The following NAV3 variants were observed in gnomAD, a reference collection of about 807,000 sequenced individuals.
The protein encoded by NAV3 is neuron navigator 3.
In NAV3, 87 loss-of-function variants were observed where a neutral mutation model predicts 244.7. That is an observed-to-expected ratio of 0.36 (90% CI 0.30 to 0.42). The LOEUF (loss-of-function observed/expected upper bound fraction) is 0.42. NAV3 is among the 20% of genes least tolerant of loss of function. The pLI, the probability that NAV3 is intolerant of heterozygous loss-of-function variation, is 1.00. For missense variants in NAV3, 2,663 were observed against 2,893.3 expected (o/e 0.92, Z 1.83); for synonymous variants, 1,126 against 1,042.2 (o/e 1.08, Z -1.55).
chr12:77,576,697 T>C (rs1869101117), intron 2 of NAV3, among the ~76,000 whole-genome samples: 1 of 152,072 alleles, frequency 6.6e-6, no homozygotes, highest in Non-Finnish European at 1.5e-5. Context: ...CTTAAGATTG[T>C]TTATGTTGGA....
In NAV3 at chr12:77,585,363, G is replaced by A. The variant is rs77235610; in HGVS notation, c.72+13097G>A. Among the ~76,000 whole-genome samples, 694 of 152,196 alleles carry A rather than the reference G, an allele frequency of 4.6e-3. 4 individuals carry two copies. The highest frequency in any genetic ancestry group is 0.016 in the African/African-American group (680 of 41,516). On this transcript the variant is annotated intron_variant, in intron 2 of 8. Coordinates refer to the NAV3 transcript ENST00000550042. ...TTTCTTTTCTACTCTCAAACACAGC[G>A]TGTTTGATTCTATCTCTTTTACCTG...
intron 5 of NAV3, among the ~76,000 whole-genome samples, chr12:77,983,259 AG>A (rs1273543819): frequency 1.4e-4 from 22 of 152,318 alleles, no homozygotes; most frequent in Admixed American, 1.4e-3. Flanking sequence ...GCAGGGGAAT[AG>A]GGATGGACCC....
chr12:77,701,418 A>G (rs1180515534), intron 2 of NAV3, among the ~76,000 whole-genome samples: 1 of 151,622 alleles, frequency 6.6e-6, no homozygotes, highest in African/African-American at 2.4e-5. Flanking sequence ...TGTGATATGT[A>G]TTTTCTCTTT....
rs1201196283 is a variant in NAV3 at position 77,971,091 on chromosome 12, A to C, written c.671+2389A>C. Among the ~76,000 whole-genome samples, 7 of 152,082 alleles carry C rather than the reference A, an allele frequency of 4.6e-5. No individual in the cohort carries two copies. In the East Asian group the frequency reaches 5.8e-4, roughly 13 times the overall value. On this transcript the variant is annotated intron_variant, in intron 5 of 39. Coordinates refer to ENST00000397909, the MANE Select transcript of NAV3 (RefSeq NM_001024383.2). ...TTTATTTTCCTATTCTTCTTGCTGG[A>C]TATACATGGCTGTTGTGAAACTATG...
chr12:78,051,918 A>G (rs549522143), intron 11 of NAV3, among the ~76,000 whole-genome samples: 1 of 152,308 alleles, frequency 6.6e-6, no homozygotes, highest in East Asian at 1.9e-4. Context: ...TATGAGGTAG[A>G]TGTTTTTATA....
chr12:77,766,849 G>T (rs2135860069), intron 2 of NAV3, among the ~76,000 whole-genome samples: 1 of 142,494 alleles, frequency 7.0e-6, no homozygotes, highest in South Asian at 2.3e-4. Flanking sequence ...CACCTCCTGG[G>T]TTCCAGCAAT....
chr12:77,595,589 A>C (rs1397217653), intron 2 of NAV3, among the ~76,000 whole-genome samples: 1 of 152,188 alleles, frequency 6.6e-6, no homozygotes, highest in Non-Finnish European at 1.5e-5. Context: ...AATTAGCTTG[A>C]CTGTAGTAAT....
At chr12:77,580,208 G>T (rs1349975770) in intron 2 of NAV3, among the ~76,000 whole-genome samples, 2 of 146,548 alleles carry the variant, frequency 1.4e-5, no homozygotes, top group Non-Finnish European at 3.0e-5. Context: ...TTTATTTGGG[G>T]GTAGGGTGGG....
intron 12 of NAV3, among the ~76,000 whole-genome samples, chr12:78,093,839 T>C (rs905036024): frequency 6.6e-6 from 1 of 152,218 alleles, no homozygotes; most frequent in Non-Finnish European, 1.5e-5. Flanking sequence ...TTTACTTTTT[T>C]TTCTTTTTTA....
intron 5 of NAV3, among the ~76,000 whole-genome samples, chr12:77,982,294 A>C (rs1175625331): frequency 2.4e-5 from 3 of 127,414 alleles, no homozygotes; most frequent in African/African-American, 7.7e-5. Context: ...TGGTGATTTG[A>C]AAGTTCATAT....
At chr12:77,742,399 G>C (rs1393669663) in intron 2 of NAV3, among the ~76,000 whole-genome samples, 4 of 152,006 alleles carry the variant, frequency 2.6e-5, no homozygotes, top group African/African-American at 9.7e-5. Flanking sequence ...GCTTTGAACT[G>C]TGCAGGTCCA....
At chr12:77,670,449 A>G (rs975972929) in intron 2 of NAV3, among the ~76,000 whole-genome samples, 5 of 152,102 alleles carry the variant, frequency 3.3e-5, no homozygotes, top group African/African-American at 1.2e-4. Flanking sequence ...TGAAGCCAGT[A>G]TCACTCTAGT....
At chr12:77,765,678 G>A (rs183781952) in intron 2 of NAV3, among the ~76,000 whole-genome samples, 19 of 152,268 alleles carry the variant, frequency 1.2e-4, no homozygotes, top group Admixed American at 6.5e-4. Context: ...GTGGGGGATG[G>A]TGAGAACTGA....
At chr12:77,663,693 G>T (rs1873580804) in intron 2 of NAV3, among the ~76,000 whole-genome samples, 1 of 152,010 alleles carries the variant, frequency 6.6e-6, no homozygotes, top group Non-Finnish European at 1.5e-5. Context: ...AGCTAATTTT[G>T]TATTTTTAGT....
chr12:78,189,193 G>A (rs1958861245), intron 33 of NAV3, among the ~76,000 whole-genome samples: 1 of 151,806 alleles, frequency 6.6e-6, no homozygotes, highest in African/African-American at 2.4e-5. Flanking sequence ...GGGAATAGAA[G>A]TTAAGAATCA....
intron 1 of NAV3, among the ~76,000 whole-genome samples, chr12:77,898,933 T>G (rs1884946579): frequency 6.6e-6 from 1 of 152,196 alleles, no homozygotes; most frequent in South Asian, 2.1e-4. Context: ...TGGAAGAAGT[T>G]GTTTCTAACT....
At chr12:77,665,723 T>C (rs966720829) in intron 2 of NAV3, among the ~76,000 whole-genome samples, 2 of 152,204 alleles carry the variant, frequency 1.3e-5, no homozygotes, top group African/African-American at 4.8e-5. Flanking sequence ...TATTTCTAAT[T>C]CCTATTTATA....
At chr12:77,961,634 A>G (rs1296045576) in intron 3 of NAV3, among the ~76,000 whole-genome samples, 2 of 144,450 alleles carry the variant, frequency 1.4e-5, no homozygotes, top group African/African-American at 2.5e-5. Context: ...TGTAATATAT[A>G]TTATGCAATA....
intron 3 of NAV3, among the ~76,000 whole-genome samples, chr12:77,953,169 C>G (rs1212314355): frequency 6.6e-6 from 1 of 151,936 alleles, no homozygotes; most frequent in African/African-American, 2.4e-5. Flanking sequence ...GCTCATAATT[C>G]TCCAATTATC....
Sources: allele counts gnomAD v4.1 joint callset (sites outside exome capture counted in the v4.1 genomes callset), GRCh38; gene constraint gnomAD v4.1.1; transcripts MANE v1.5; gene names NCBI Gene and HGNC (gene_info 2026-07-23, HGNC 2026-07-21).